Variants in ASB4 observed in about 807,000 individuals in gnomAD.
ASB4 encodes ankyrin repeat and SOCS box containing 4.
ASB4 carries 35 observed loss-of-function variants against 38.6 expected under a neutral mutation model. The observed-to-expected ratio is 0.91, with a 90% CI of 0.69 to 1.20. The LOEUF is 1.20. Ranked by LOEUF, ASB4 falls within the 50% of genes most tolerant of loss-of-function variation. ASB4 has a pLI of 0.00. For synonymous variants in ASB4, 195 were observed against 201.3 expected, an observed-to-expected ratio of 0.97 and a Z score of 0.26; for missense variants, 557 against 527.2, an observed-to-expected ratio of 1.06 and a Z score of -0.55.
intron 1 of ASB4, among the ~76,000 whole-genome samples, chr7:95,495,188 G>A (rs765318890): frequency 6.6e-6 from 1 of 152,112 alleles, no homozygotes; most frequent in African/African-American, 2.4e-5. Context: ...TTTGGAAAGC[G>A]ATATTGCATA....
At chr7:95,536,362 T>C (rs113970910) in intron 3 of ASB4, 75 bp from the exon 4 acceptor site, 10 of 944,940 alleles carry the variant, frequency 1.1e-5, no homozygotes, top group African/African-American at 6.5e-5. Flanking sequence ...CTGTGAATTC[T>C]TGATGTCTCT....
intron 1 of ASB4, among the ~76,000 whole-genome samples, chr7:95,480,148 A>G (rs778868555): frequency 8.5e-5 from 13 of 152,300 alleles, no homozygotes; most frequent in Non-Finnish European, 1.6e-4. Flanking sequence ...GTTCTGATCT[A>G]TACAAGGGTG....
intron 2 of ASB4, among the ~76,000 whole-genome samples, chr7:95,521,693 A>T (rs1790664246): frequency 6.6e-6 from 1 of 152,060 alleles, no homozygotes; most frequent in African/African-American, 2.4e-5. Flanking sequence ...AATTAAAAAA[A>T]AAAAAACAGT....
rs139290146 is a variant in ASB4, at chr7:95,536,520, G to A, written c.1062G>A (p.Trp354Ter). ...AACACATCAGATGGAACACAAAGTG[G>A]AGAAGAGCTATCCCCGATGATGACT... ...AYEHIRWNTK[W>*]RRAIPDDDLE... Residue 354 changes from tryptophan to a stop codon, truncating the protein, a stop_gained, in exon 4 of 5, where the codon TGG becomes TGA. Coordinates refer to ENST00000325885, the MANE Select transcript of ASB4 (RefSeq NM_016116.3). LOFTEE classifies it high-confidence loss of function. The A allele has an allele frequency of 5.6e-6, 9 of 1,612,176 alleles. No individual in the cohort carries two copies. In the African/African-American group the frequency reaches 1.1e-4, roughly 19 times the overall value.
At chr7:95,504,178 G>A (rs369056781) in intron 2 of ASB4, among the ~76,000 whole-genome samples, 13 of 152,088 alleles carry the variant, frequency 8.5e-5, no homozygotes, top group East Asian at 3.8e-4. Context: ...AAAGCTGCCC[G>A]CTTTACTCTG....
At chr7:95,536,041 CA>C (rs1264168785) in intron 3 of ASB4, among the ~76,000 whole-genome samples, 2 of 152,186 alleles carry the variant, frequency 1.3e-5, no homozygotes, top group Admixed American at 6.5e-5. Flanking sequence ...AGTAATTCTT[CA>C]ATTCTCATCT....
At chr7:95,527,133 T>A (rs1224164982) in intron 2 of ASB4, among the ~76,000 whole-genome samples, 2 of 152,170 alleles carry the variant, frequency 1.3e-5, no homozygotes, top group African/African-American at 4.8e-5. Context: ...CCCCTTTTGA[T>A]GAAAAATATA....
chr7:95,511,775 A>C (rs141051578), intron 2 of ASB4, among the ~76,000 whole-genome samples: 85 of 152,342 alleles, frequency 5.6e-4, no homozygotes, highest in African/African-American at 1.9e-3. Context: ...CTATGAGGTT[A>C]AGATTTGCAG....
At chr7:95,515,155 TTC>T (rs1453070506) in intron 2 of ASB4, among the ~76,000 whole-genome samples, 1 of 141,914 alleles carries the variant, frequency 7.0e-6, no homozygotes, top group African/African-American at 2.7e-5. Context: ...TTTTCTTTCT[TTC>T]TTTCTCTTTC....
In ASB4 at chr7:95,506,521, C is replaced by T. The variant is rs562982332; in HGVS notation, c.487+10464C>T. Among the ~76,000 whole-genome samples, 129 of 152,170 alleles carry T rather than the reference C, an allele frequency of 8.5e-4. 1 individual carries two copies. The highest frequency in any genetic ancestry group is 2.8e-3 in the African/African-American group (118 of 41,512). ...CACCCCAGTGCATGAATTCTACCCC[C>T]GACTTAGAGTAGAATTCTAGATTCA... On this transcript the variant is annotated intron_variant, in intron 2 of 4. Coordinates refer to ENST00000325885, the MANE Select transcript of ASB4 (RefSeq NM_016116.3).
intron 2 of ASB4, among the ~76,000 whole-genome samples, chr7:95,527,576 C>T (rs971164182): frequency 6.6e-6 from 1 of 152,156 alleles, no homozygotes; most frequent in Non-Finnish European, 1.5e-5. Flanking sequence ...ACAAATCCTT[C>T]CTTCTCCTCC....
chr7:95,527,695 A>G, intron 2 of ASB4, 118 bp from the exon 3 acceptor site: 1 of 1,015,810 alleles, frequency 9.8e-7, no homozygotes, highest in Non-Finnish European at 1.4e-6. Flanking sequence ...AGGGTTGGGG[A>G]TAATATACGG....
At chr7:95,501,473 C>T (rs1055973222) in intron 2 of ASB4, among the ~76,000 whole-genome samples, 1 of 152,196 alleles carries the variant, frequency 6.6e-6, no homozygotes, top group Admixed American at 6.5e-5. Flanking sequence ...GCTCTTACCA[C>T]CTCACCGCAT....
At chr7:95,533,520 T>G (rs772748258) in intron 3 of ASB4, among the ~76,000 whole-genome samples, 26 of 152,176 alleles carry the variant, frequency 1.7e-4, no homozygotes, top group Non-Finnish European at 3.5e-4. Flanking sequence ...ACCTTCTAAT[T>G]CAATCTGCTG....
intron 2 of ASB4, among the ~76,000 whole-genome samples, chr7:95,511,488 G>T (rs1200610721): frequency 2.6e-5 from 4 of 152,062 alleles, no homozygotes; most frequent in African/African-American, 4.8e-5. Context: ...GGGGCAGGAG[G>T]AAGAGCCGTG....
At chr7:95,540,888 A>T (rs1193775089), downstream of ASB4, among the ~76,000 whole-genome samples, 1 of 152,202 alleles carries the variant, frequency 6.6e-6, no homozygotes, top group Non-Finnish European at 1.5e-5. Flanking sequence ...GTAACAAACC[A>T]TTTGCAGTGG....
upstream of ASB4, among the ~76,000 whole-genome samples, chr7:95,484,050 A>G (rs1255020713): frequency 6.7e-6 from 1 of 149,786 alleles, no homozygotes; most frequent in African/African-American, 2.5e-5. Flanking sequence ...AAAAATTGTC[A>G]GGCATAGTGG....
upstream of ASB4, among the ~76,000 whole-genome samples, chr7:95,474,874 GTT>G (rs1193001090): frequency 6.6e-6 from 1 of 152,094 alleles, no homozygotes; most frequent in Non-Finnish European, 1.5e-5. Flanking sequence ...CAGTAAAATG[GTT>G]TTACCCCAAA....
At chr7:95,477,447 T>C (rs951016660), upstream of ASB4, among the ~76,000 whole-genome samples, 1 of 152,204 alleles carries the variant, frequency 6.6e-6, no homozygotes, top group Non-Finnish European at 1.5e-5. Flanking sequence ...TGTCAAGTTT[T>C]CACAAATTTA....
Sources: gnomAD v4.1 joint callset for allele counts (sites outside exome capture counted in the v4.1 genomes callset) on GRCh38, gnomAD v4.1.1 for gene constraint, MANE v1.5 for transcripts, NCBI Gene and HGNC (gene_info 2026-07-23, HGNC 2026-07-21) for gene names.